Variants in PYGB observed in about 807,000 individuals in gnomAD.
PYGB encodes the protein glycogen phosphorylase B.
PYGB carries 82 observed loss-of-function variants against 94.3 expected under a neutral mutation model. The observed-to-expected ratio is 0.87, with a 90% CI of 0.73 to 1.04. The LOEUF is 1.04. Among genes scored for constraint, PYGB ranks in the 50% least tolerant of loss-of-function variants. The pLI is 0.00. For missense variants in PYGB, 1,132 were observed against 1,158.2 expected (o/e 0.98, Z 0.33); for synonymous variants, 488 against 479.1 (o/e 1.02, Z -0.24).
chr20:25,294,677 G>A (rs983807217), intron 18 of PYGB: 53 of 581,928 alleles, frequency 9.1e-5, no homozygotes, highest in Non-Finnish European at 1.5e-4. Flanking sequence ...CAAGGGCTGC[G>A]GAACCGCGGC....
At position 25,296,926 on chromosome 20, in the gene PYGB, G is replaced by A; in HGVS notation, c.*404G>A. 1 of 178,092 alleles carries A rather than the reference G, an allele frequency of 5.6e-6. No individual in the cohort carries two copies. Among genetic ancestry groups the A allele is most frequent in the Non-Finnish European group, 1.2e-5 (1 of 83,804 alleles). The allele number at this position is 178,092 out of a possible 1,614,324, so 11.0% of individuals were successfully genotyped here. On this transcript the variant is annotated 3_prime_UTR_variant, in exon 20 of 20. Coordinates refer to ENST00000216962, the MANE Select transcript of PYGB (RefSeq NM_002862.4). ...TGGGCCAGTGGCCATAGTGAAGCCT[G>A]GGAATGAGTGTTACTGCAGCATCTG...
rs202035323 is a variant in PYGB at position 25,259,375 on chromosome 20, T to G, written c.345+37T>G. On this transcript the variant is annotated intron_variant, in intron 2 of 19. Transcript: ENST00000216962. The stretch of plus-strand genomic sequence containing the variant: ...CATGGCCGGGCTTCTGGGTGGCCCC[T>G]CGTGGTGCTTTGAGGTCTGAATCCA... 1.3e-4 allele frequency: 191 copies of G among 1,498,450 alleles called. 3 individuals are homozygous for G. In the South Asian group the frequency reaches 2.1e-3, roughly 16 times the overall value. 92.8% of individuals were successfully genotyped at this position (1,498,450 alleles called of 1,614,324 possible).
Position 25,294,218 on chromosome 20 carries a change from C to G in PYGB, c.2238C>G (p.Ile746Met). The G allele has an allele frequency of 6.2e-7, 1 of 1,613,796 alleles. No homozygotes were observed. The highest frequency in any genetic ancestry group is 8.5e-7 in the Non-Finnish European group (1 of 1,179,960). The change falls in exon 18 of 20, where the codon ATC becomes ATG. Residue 746 changes from isoleucine (I) to methionine (M), a missense_variant. By Grantham distance (10) the Ile-to-Met change is conservative. Transcript: ENST00000216962. ...LPELKQAVDQISSGFFSPKEP... is the reference protein window; with the variant it reads ...LPELKQAVDQMSSGFFSPKEP... ...AGCTGAAGCAGGCCGTGGACCAGATCAGCAGTGGCTTTTTTTCTCCCAAGG... is the reference window on the plus strand; with the variant it reads ...AGCTGAAGCAGGCCGTGGACCAGATGAGCAGTGGCTTTTTTTCTCCCAAGG...
intron 2 of PYGB, among the ~76,000 whole-genome samples, chr20:25,267,700 TA>T (rs2088230264): frequency 6.6e-6 from 1 of 152,204 alleles, no homozygotes; most frequent in Non-Finnish European, 1.5e-5. Flanking sequence ...CCAGCTAATT[TA>T]TTTTTTATTT....
At chr20:25,268,162 C>CCCCCCCG (rs1555806054) in intron 2 of PYGB, among the ~76,000 whole-genome samples, 2 of 7,098 alleles carry the variant, frequency 2.8e-4, no homozygotes, top group Non-Finnish European at 4.9e-4. Flanking sequence ...CTAGCACCCG[C>CCCCCCCG]CCCCCCCCCA....
intron 11 of PYGB, among the ~76,000 whole-genome samples, 168 bp downstream of exon 11, chr20:25,281,280 A>G (rs1172536538): frequency 6.6e-6 from 1 of 152,182 alleles, no homozygotes; most frequent in African/African-American, 2.4e-5. Flanking sequence ...TGTCAGGGTC[A>G]CGCCTTGTTG....
intron 11 of PYGB, among the ~76,000 whole-genome samples, chr20:25,281,781 G>C (rs1221753689): frequency 6.6e-6 from 1 of 152,254 alleles, no homozygotes. Context: ...AGAATGGCCA[G>C]GCTCTAATGC....
chr20:25,283,497 A>C (rs1349896747), intron 13 of PYGB, among the ~76,000 whole-genome samples: 2 of 152,226 alleles, frequency 1.3e-5, no homozygotes, highest in Admixed American at 1.3e-4. Context: ...AGGACAGGTC[A>C]CATGGCAGAT....
At chr20:25,277,446 G>T in intron 7 of PYGB, 120 bp downstream of exon 7, 5 of 917,620 alleles carry the variant, frequency 5.4e-6, no homozygotes, top group Non-Finnish European at 8.5e-6. Flanking sequence ...CAGCCACCTG[G>T]TGGCCCTCTC....
At chr20:25,296,316 TAGC>T in intron 19 of PYGB, 51 bp from the exon 20 acceptor site, 1 of 1,601,250 alleles carries the variant, frequency 6.2e-7, no homozygotes. Flanking sequence ...CCCATGTTTT[TAGC>T]AGCCCCAAGC....
intron 2 of PYGB, among the ~76,000 whole-genome samples, chr20:25,264,387 C>G (rs1364953201): frequency 6.6e-6 from 1 of 152,206 alleles, no homozygotes; most frequent in Non-Finnish European, 1.5e-5. Flanking sequence ...CCCTCTCTCA[C>G]TACTCCTATT....
chr20:25,264,171 C>G (rs544111577), intron 2 of PYGB, among the ~76,000 whole-genome samples: 1 of 152,202 alleles, frequency 6.6e-6, no homozygotes, highest in East Asian at 1.9e-4. Flanking sequence ...GAATCAAAGA[C>G]AAACCATATG....
At chr20:25,248,971 G>T (rs1168360668) in intron 1 of PYGB, among the ~76,000 whole-genome samples, 2 of 152,250 alleles carry the variant, frequency 1.3e-5, no homozygotes, top group Non-Finnish European at 2.9e-5. Context: ...GAAGCTCAGA[G>T]ATGGAGATGG....
intron 9 of PYGB, among the ~76,000 whole-genome samples, chr20:25,279,547 G>A (rs60423719): frequency 0.023 from 3,506 of 152,194 alleles, 104 homozygotes; most frequent in African/African-American, 0.073. Context: ...TAATCTAACC[G>A]TTACCAAATC....
chr20:25,278,707 C>T (rs2088337210), intron 8 of PYGB, among the ~76,000 whole-genome samples: 1 of 152,182 alleles, frequency 6.6e-6, no homozygotes, highest in African/African-American at 2.4e-5. Flanking sequence ...GTCAGATGTG[C>T]TGGGCAGGCT....
At chr20:25,280,451 A>G in intron 10 of PYGB, 39 bp downstream of exon 10, 1 of 1,605,492 alleles carries the variant, frequency 6.2e-7, no homozygotes, top group Non-Finnish European at 8.5e-7. Context: ...GGTGGCGGCT[A>G]CACCCATGCC....
At chr20:25,263,577 AAT>A (rs1371303804) in intron 2 of PYGB, among the ~76,000 whole-genome samples, 1 of 152,222 alleles carries the variant, frequency 6.6e-6, no homozygotes, top group Non-Finnish European at 1.5e-5. Context: ...AAATAGATGC[AAT>A]AAAATATGAT....
At position 25,290,478 on chromosome 20, in the gene PYGB, C is replaced by T. The variant is rs1249789858; in HGVS notation, c.1828-3C>T. ...GCTAAAAACCTTCACCCTCTCCTTCCAGGCAGCGCCCGGTTACCACATGGC... is the reference window on the plus strand; with the variant it reads ...GCTAAAAACCTTCACCCTCTCCTTCTAGGCAGCGCCCGGTTACCACATGGC... On this transcript the variant is annotated splice_region_variant and splice_polypyrimidine_tract_variant and intron_variant, in intron 15 of 19. Coordinates refer to ENST00000216962, the MANE Select transcript of PYGB (RefSeq NM_002862.4). The T allele has an allele frequency of 1.2e-6, 2 of 1,601,794 alleles. No individual in the cohort carries two copies. Among genetic ancestry groups the T allele is most frequent in the East Asian group, 2.2e-5 (1 of 44,476 alleles).
Position 25,277,204 on chromosome 20 carries a change from G to A in PYGB, c.773-40G>A, listed in dbSNP as rs201682484. 6.7e-6 allele frequency: 10 copies of A among 1,482,852 alleles called. No homozygotes were observed. In the South Asian group the frequency reaches 1.1e-4, roughly 17 times the overall value. The allele number at this position is 1,482,852 out of a possible 1,614,324, so 91.9% of individuals were successfully genotyped here. On this transcript the variant is annotated intron_variant, in intron 6 of 19. Transcript: ENST00000216962. The stretch of plus-strand genomic sequence containing the variant: ...CTGAGCGGTTGCAGTGCTGGTGCCA[G>A]GAGGCATGTGTGTGTTGACCCCGCT...
Sources: gnomAD v4.1 joint callset for allele counts (sites outside exome capture counted in the v4.1 genomes callset) on GRCh38, gnomAD v4.1.1 for gene constraint, MANE v1.5 for transcripts, NCBI Gene and HGNC (gene_info 2026-07-23, HGNC 2026-07-21) for gene names.